GRM8: variants seen among roughly 807,000 people sequenced by gnomAD.
The protein encoded by GRM8 is metabotropic glutamate receptor 8.
In GRM8, 47 loss-of-function variants were observed where a neutral mutation model predicts 87.2. The ratio of observed to expected loss-of-function variants is 0.54; its 90% CI spans 0.43 to 0.69. GRM8 has a LOEUF of 0.69. Ranked by LOEUF, GRM8 falls within the 30% of genes least tolerant of loss-of-function variation. GRM8 has a pLI of 0.00. For synonymous variants in GRM8, 396 were observed against 404.5 expected, an observed-to-expected ratio of 0.98 and a Z score of 0.25; for missense variants, 1,019 against 1,139.2, an observed-to-expected ratio of 0.89 and a Z score of 1.52.
At chr7:126,825,506 C>T (rs1473308566) in intron 6 of GRM8, among the ~76,000 whole-genome samples, 4 of 152,088 alleles carry the variant, frequency 2.6e-5, no homozygotes, top group Admixed American at 1.3e-4. Context: ...AGCTAATAAG[C>T]GGCAGATTAC....
At chr7:126,653,763 G>C (rs1304189959) in intron 7 of GRM8, among the ~76,000 whole-genome samples, 1 of 152,178 alleles carries the variant, frequency 6.6e-6, no homozygotes, top group African/African-American at 2.4e-5. Context: ...ATGCACTTCA[G>C]TTCAATAGTG....
At chr7:126,877,176 C>G (rs1799594898) in intron 6 of GRM8, among the ~76,000 whole-genome samples, 1 of 152,114 alleles carries the variant, frequency 6.6e-6, no homozygotes, top group Non-Finnish European at 1.5e-5. Context: ...CTTCCTCTTT[C>G]TCTCTCTGCA....
At chr7:126,706,294 C>A (rs1174949025) in intron 7 of GRM8, among the ~76,000 whole-genome samples, 2 of 152,066 alleles carry the variant, frequency 1.3e-5, no homozygotes, top group Admixed American at 6.6e-5. Context: ...ATTATGGTGA[C>A]TGACAAATCC....
intron 7 of GRM8, among the ~76,000 whole-genome samples, chr7:126,617,345 C>T (rs1799614058): frequency 6.6e-6 from 1 of 152,178 alleles, no homozygotes; most frequent in Admixed American, 6.5e-5. Context: ...GCTAAAAACT[C>T]TCAGTAAATT....
At chr7:126,566,394 T>C (rs1245697090) in intron 8 of GRM8, among the ~76,000 whole-genome samples, 2 of 152,168 alleles carry the variant, frequency 1.3e-5, no homozygotes, top group African/African-American at 4.8e-5. Flanking sequence ...AAAGAAGATC[T>C]ACAAATGGAC....
At chr7:126,756,530 G>A in intron 7 of GRM8, among the ~76,000 whole-genome samples, 1 of 151,942 alleles carries the variant, frequency 6.6e-6, no homozygotes, top group African/African-American at 2.4e-5. Flanking sequence ...ACTGATAAAG[G>A]ACAACTATAT....
intron 3 of GRM8, among the ~76,000 whole-genome samples, chr7:126,989,482 G>C (rs187264038): frequency 3.9e-5 from 6 of 152,256 alleles, no homozygotes; most frequent in African/African-American, 1.4e-4. Flanking sequence ...TAATCACAGT[G>C]TCCTGTACCC....
intron 6 of GRM8, among the ~76,000 whole-genome samples, chr7:126,843,973 A>G (rs1796497753): frequency 6.6e-6 from 1 of 152,228 alleles, no homozygotes; most frequent in South Asian, 2.1e-4. Flanking sequence ...ATGTTATTAC[A>G]TTATCTTAAT....
chr7:127,172,414 C>T (rs1452953754), intron 2 of GRM8, among the ~76,000 whole-genome samples: 1 of 151,992 alleles, frequency 6.6e-6, no homozygotes, highest in African/African-American at 2.4e-5. Flanking sequence ...TAAAAAATTT[C>T]CACAATTTGG....
intron 6 of GRM8, among the ~76,000 whole-genome samples, chr7:126,824,429 C>A (rs1794579322): frequency 6.6e-6 from 1 of 152,156 alleles, no homozygotes; most frequent in Non-Finnish European, 1.5e-5. Context: ...ATCCACTTCC[C>A]AGGAAGTCAT....
chr7:126,962,483 C>T (rs1398788357), intron 3 of GRM8, among the ~76,000 whole-genome samples: 2 of 152,168 alleles, frequency 1.3e-5, no homozygotes, highest in South Asian at 4.1e-4. Context: ...CAACAAAAAA[C>T]AAACACTATA....
At chr7:127,004,705 A>G (rs1393632660) in intron 3 of GRM8, among the ~76,000 whole-genome samples, 2 of 151,684 alleles carry the variant, frequency 1.3e-5, no homozygotes, top group Non-Finnish European at 3.0e-5. Context: ...TTACCTATAC[A>G]TATAAACACA....
intron 5 of GRM8, among the ~76,000 whole-genome samples, chr7:126,903,633 G>A (rs1802342064): frequency 1.0e-5 from 1 of 95,638 alleles, no homozygotes; most frequent in African/African-American, 3.6e-5. Context: ...ATATGTATAT[G>A]TGTATATATA....
At chr7:126,565,987 A>T (rs113170907) in intron 8 of GRM8, among the ~76,000 whole-genome samples, 14 of 152,340 alleles carry the variant, frequency 9.2e-5, no homozygotes, top group African/African-American at 3.4e-4. Context: ...ATCCACATGC[A>T]CAGGAATAAA....
intron 2 of GRM8, among the ~76,000 whole-genome samples, chr7:127,140,886 G>T (rs979241364): frequency 6.6e-6 from 1 of 151,770 alleles, no homozygotes; most frequent in Non-Finnish European, 1.5e-5. Context: ...GATAATGTAA[G>T]TTGTGTTTTT....
chr7:126,522,814 C>T (rs550870025), intron 9 of GRM8, among the ~76,000 whole-genome samples: 3 of 152,262 alleles, frequency 2.0e-5, no homozygotes, highest in South Asian at 2.1e-4. Flanking sequence ...GGTCCCAAGA[C>T]GTCATACTGT....
intron 9 of GRM8, among the ~76,000 whole-genome samples, chr7:126,493,983 G>GCT (rs1222321074): frequency 6.6e-6 from 1 of 151,990 alleles, no homozygotes; most frequent in African/African-American, 2.4e-5. Context: ...GGAAGTCACA[G>GCT]CTCTGCGGAG....
chr7:126,958,914 G>T (rs1298892998), intron 3 of GRM8, among the ~76,000 whole-genome samples: 4 of 152,166 alleles, frequency 2.6e-5, no homozygotes, highest in African/African-American at 4.8e-5. Context: ...ATTCAGTAAA[G>T]CTGCCCAATG....
chr7:127,028,898 T>C (rs1248979658), intron 3 of GRM8, among the ~76,000 whole-genome samples: 2 of 152,186 alleles, frequency 1.3e-5, no homozygotes, highest in Non-Finnish European at 2.9e-5. Context: ...TGTTTGCTCT[T>C]GCTTCTCTAG....
Sources: gnomAD v4.1 joint callset for allele counts (sites outside exome capture counted in the v4.1 genomes callset) on GRCh38, gnomAD v4.1.1 for gene constraint, MANE v1.5 for transcripts, NCBI Gene and HGNC (gene_info 2026-07-23, HGNC 2026-07-21) for gene names.